Variants in OPALIN observed in about 807,000 individuals in gnomAD.
OPALIN encodes the protein oligodendrocytic myelin paranodal and inner loop protein, also known as transmembrane protein 10.
OPALIN carries 15 observed loss-of-function variants against 17.8 expected under a neutral mutation model. That is an observed-to-expected ratio of 0.84 (90% confidence interval 0.56 to 1.29). OPALIN has a LOEUF of 1.29. OPALIN is among the 50% of genes most tolerant of loss of function. The pLI is 0.00. For missense variants in OPALIN, 170 were observed against 176.0 expected (o/e 0.97, Z 0.19); for synonymous variants, 62 against 63.8 (o/e 0.97, Z 0.14).
chr10:96,357,981 C>T (rs1250222376), intron 1 of OPALIN, among the ~76,000 whole-genome samples: 3 of 152,020 alleles, frequency 2.0e-5, no homozygotes, highest in Non-Finnish European at 4.4e-5. Flanking sequence ...TAAAAACTTA[C>T]TGCTGTTGAA....
chr10:96,348,744 G>A (rs932448773), intron 4 of OPALIN, among the ~76,000 whole-genome samples: 1 of 152,124 alleles, frequency 6.6e-6, no homozygotes, highest in Non-Finnish European at 1.5e-5. Flanking sequence ...TTGGTGATTG[G>A]AAATTTTGAG....
At chr10:96,358,440 T>C (rs1845897842) in intron 1 of OPALIN, among the ~76,000 whole-genome samples, 1 of 152,194 alleles carries the variant, frequency 6.6e-6, no homozygotes, top group Admixed American at 6.5e-5. Context: ...CTTTAGTAAA[T>C]CACAGAACCC....
chr10:96,347,175 T>C (rs78898370), intron 5 of OPALIN, among the ~76,000 whole-genome samples: 9,237 of 151,948 alleles, frequency 0.061, 820 homozygotes, highest in East Asian at 0.44. Context: ...CACTGCAACC[T>C]CTGCCTCCCA....
chr10:96,358,873 G>C (rs1278984575), intron 1 of OPALIN, 21 bp downstream of exon 1: 1 of 1,613,554 alleles, frequency 6.2e-7, no homozygotes, highest in Non-Finnish European at 8.5e-7. Flanking sequence ...CGATTGAGAA[G>C]AGATGCCAGC....
intron 1 of OPALIN, among the ~76,000 whole-genome samples, chr10:96,356,030 C>T (rs1255058700): frequency 6.6e-6 from 1 of 152,220 alleles, no homozygotes. Flanking sequence ...CAGGCTGCTC[C>T]TTACCAAGTC....
At position 96,348,350 on chromosome 10, in the gene OPALIN, A is replaced by G. The variant is rs1282817972; in HGVS notation, c.193-5T>C. Reference sequence around the variant, plus strand: ...TTCACATGGTCTGTCACTTTCCTAAATTGGAAAAAATATAATAATAAAAGA... The same window carrying G: ...TTCACATGGTCTGTCACTTTCCTAAGTTGGAAAAAATATAATAATAAAAGA... On this transcript the variant is annotated splice_polypyrimidine_tract_variant and splice_region_variant and intron_variant, in intron 4 of 5. Transcript: ENST00000371172. The G allele has an allele frequency of 2.9e-6, 4 of 1,398,812 alleles. No individual in the cohort carries two copies. Among genetic ancestry groups the G allele is most frequent in the Non-Finnish European group, 4.0e-6 (4 of 992,608 alleles). 86.7% of individuals were successfully genotyped at this position (1,398,812 alleles called of 1,614,324 possible). A position where few individuals can be genotyped will look rare whatever the true frequency, so the allele number is the denominator to read the frequency against.
chr10:96,354,567 A>C (rs138501272), intron 2 of OPALIN, among the ~76,000 whole-genome samples: 1 of 152,222 alleles, frequency 6.6e-6, no homozygotes, highest in Non-Finnish European at 1.5e-5. Flanking sequence ...AAACATTTAG[A>C]TATAAAATTA....
In OPALIN at chr10:96,346,082, C is replaced by T. The variant is rs183417445; in HGVS notation, c.285G>A (p.Thr95=). The T allele has an allele frequency of 2.2e-5, 36 of 1,613,954 alleles. No individual in the cohort carries two copies. The highest frequency in any genetic ancestry group is 1.8e-4 in the East Asian group (8 of 44,900). The part of the protein sequence containing the change: ...PRRSPTHEKN[T]MGAQEAHIYV... ...ATATGTGGGCCTCTTGTGCTCCCAT[C>T]GTATTCTTCTCATGTGTGGGTGATC... Residue 95 remains threonine, a synonymous_variant, in exon 6 of 6, where the codon ACG becomes ACA. Coordinates refer to ENST00000371172, the MANE Select transcript of OPALIN (RefSeq NM_033207.5).
chr10:96,357,550 G>A (rs1339585984), intron 1 of OPALIN, among the ~76,000 whole-genome samples: 1 of 151,842 alleles, frequency 6.6e-6, no homozygotes, highest in Non-Finnish European at 1.5e-5. Flanking sequence ...CAAACCCTCT[G>A]GTCTCCATTT....
intron 2 of OPALIN, 61 bp downstream of exon 2, chr10:96,355,194 A>G: frequency 1.4e-6 from 2 of 1,440,958 alleles, no homozygotes; most frequent in East Asian, 2.4e-5. Context: ...CTGGAGACCT[A>G]CTGTAAATTC....
At chr10:96,352,372 T>C (rs1057023803) in intron 2 of OPALIN, among the ~76,000 whole-genome samples, 1 of 151,970 alleles carries the variant, frequency 6.6e-6, no homozygotes, top group African/African-American at 2.4e-5. Flanking sequence ...CTCAGAGAAG[T>C]TATGGGGCTT....
At chr10:96,353,006 T>C (rs796719595) in intron 2 of OPALIN, among the ~76,000 whole-genome samples, 23 of 152,352 alleles carry the variant, frequency 1.5e-4, no homozygotes, top group African/African-American at 5.5e-4. Context: ...GACTTATTTA[T>C]TCTATACAAC....
chr10:96,346,680 A>G (rs1161165226), intron 5 of OPALIN, among the ~76,000 whole-genome samples: 1 of 152,202 alleles, frequency 6.6e-6, no homozygotes, highest in Non-Finnish European at 1.5e-5. Context: ...ATTAAGTTCC[A>G]TGAAAAAAAT....
Position 96,345,747 on chromosome 10 carries a change from A to T in OPALIN, c.*194T>A, listed in dbSNP as rs1414799508. The T allele has an allele frequency of 1.8e-6, 1 of 550,878 alleles. No homozygotes were observed. The highest frequency in any genetic ancestry group is 3.2e-6 in the Non-Finnish European group (1 of 313,154). 34.1% of individuals were successfully genotyped at this position (550,878 alleles called of 1,614,324 possible). A position where few individuals can be genotyped will look rare whatever the true frequency, so the allele number is the denominator to read the frequency against. ...GAGTCACATGTACTAACTAAAGCAC[A>T]AGATCTGAGAGTTGGAATTAACCAT... On this transcript the variant is annotated 3_prime_UTR_variant, in exon 6 of 6. Transcript: ENST00000371172.
chr10:96,355,902 C>T lies in OPALIN; in HGVS notation c.4-612G>A, dbSNP rs868429797. 1.6e-4 allele frequency among the ~76,000 whole-genome samples: 25 copies of T among 152,212 alleles called. 1 individual carries two copies. The highest frequency in any genetic ancestry group is 5.8e-4 in the African/African-American group (24 of 41,450). Reference sequence around the variant, plus strand: ...TTAGTAGATGGTCTCACCTCTCCCGCAAATATGGAGTCCAAATTTAAAGAT... The same window carrying T: ...TTAGTAGATGGTCTCACCTCTCCCGTAAATATGGAGTCCAAATTTAAAGAT... On this transcript the variant is annotated intron_variant, in intron 1 of 5. Transcript: ENST00000371172.
At position 96,345,298 on chromosome 10, in the gene OPALIN, A is replaced by C. The variant is rs951420920; in HGVS notation, c.*643T>G. The C allele has an allele frequency of 1.3e-5, 2 of 152,212 alleles. No homozygotes were observed. The highest frequency in any genetic ancestry group is 2.9e-5 in the Non-Finnish European group (2 of 68,038). 9.4% of individuals were successfully genotyped at this position (152,212 alleles called of 1,614,324 possible). ...TGAGGCAAATATTTCCCCTCCTTTA[A>C]AAAAGCAAAAACTGAGGCTTGAAAA... On this transcript the variant is annotated 3_prime_UTR_variant, in exon 6 of 6. Transcript: ENST00000371172.
chr10:96,353,241 G>A (rs886142271), intron 2 of OPALIN, among the ~76,000 whole-genome samples: 1 of 152,136 alleles, frequency 6.6e-6, no homozygotes, highest in Non-Finnish European at 1.5e-5. Flanking sequence ...AGTATGGACT[G>A]AACTGACAAA....
chr10:96,346,816 G>A (rs1845351948), intron 5 of OPALIN, among the ~76,000 whole-genome samples: 1 of 152,028 alleles, frequency 6.6e-6, no homozygotes, highest in South Asian at 2.1e-4. Flanking sequence ...ATTATTTAAT[G>A]GGTTTTTTAA....
At position 96,348,263 on chromosome 10, in the gene OPALIN, T is replaced by C. The variant is rs368199092; in HGVS notation, c.249+26A>G. On this transcript the variant is annotated intron_variant, in intron 5 of 5. Coordinates refer to ENST00000371172, the MANE Select transcript of OPALIN (RefSeq NM_033207.5). ...GCTTGTTTACTGTGTGAATGGTATA[T>C]AGAGAGTATAACCAAGAGTTCTTAC... 9.7e-6 allele frequency: 12 copies of C among 1,233,302 alleles called. No homozygotes were observed. The Middle Eastern group carries it at 2.1e-3, about 215-fold the overall frequency. 76.4% of individuals were successfully genotyped at this position (1,233,302 alleles called of 1,614,324 possible). A position where few individuals can be genotyped will look rare whatever the true frequency, so the allele number is the denominator to read the frequency against.
Sources: allele counts gnomAD v4.1 joint callset (sites outside exome capture counted in the v4.1 genomes callset), GRCh38; gene constraint gnomAD v4.1.1; transcripts MANE v1.5; gene names NCBI Gene and HGNC (gene_info 2026-07-23, HGNC 2026-07-21).